Variants in AGRN observed in about 807,000 individuals in gnomAD.
AGRN encodes the protein agrin, also known as agrin proteoglycan.
Under a neutral mutation model 211.0 loss-of-function variants are expected in AGRN, and 106 were observed. That is an observed-to-expected ratio of 0.50 (90% confidence interval 0.43 to 0.59). The LOEUF is 0.59. AGRN is among the 20% of genes least tolerant of loss of function. AGRN has a pLI of 0.00. For missense variants in AGRN, 3,040 were observed against 2,982.6 expected, an observed-to-expected ratio of 1.02 and a Z score of -0.45; for synonymous variants, 1,525 against 1,332.5, an observed-to-expected ratio of 1.14 and a Z score of -3.15.
At chr1:1,050,168 C>T (rs925797478) in intron 27 of AGRN, 65 bp from the exon 28 acceptor site, 17 of 1,598,146 alleles carry the variant, frequency 1.1e-5, no homozygotes, top group South Asian at 8.8e-5. Context: ...GATCCACACA[C>T]GGCTGGCATG....
chr1:1,052,293 C>T (rs908219416), intron 33 of AGRN: 8 of 350,430 alleles, frequency 2.3e-5, no homozygotes, highest in African/African-American at 1.1e-4. Flanking sequence ...TGTGCACTTC[C>T]GCGTGTGTGA....
At chr1:1,038,434 T>C (rs1215857793) in intron 3 of AGRN, among the ~76,000 whole-genome samples, 3 of 152,244 alleles carry the variant, frequency 2.0e-5, no homozygotes, top group Non-Finnish European at 4.4e-5. Flanking sequence ...TCCATGCCCC[T>C]GCAAGCAGTC....
In AGRN at chr1:1,035,132, T is replaced by C; in HGVS notation, c.464-145T>C. 3 of 914,882 alleles carry C rather than the reference T, an allele frequency of 3.3e-6. No homozygotes were observed. The South Asian group carries it at 4.1e-5, about 12-fold the overall frequency. The allele number at this position is 914,882 out of a possible 1,614,324, so 56.7% of individuals were successfully genotyped here. On this transcript the variant is annotated intron_variant, in intron 2 of 35. Coordinates refer to ENST00000379370, the MANE Select transcript of AGRN (RefSeq NM_198576.4). Reference sequence around the variant, plus strand: ...CTCAGCCAGCCCATGGGGTCAGGGCTGGACCCTTCAGCAGCCTGGATCCCT... The same window carrying C: ...CTCAGCCAGCCCATGGGGTCAGGGCCGGACCCTTCAGCAGCCTGGATCCCT...
chr1:1,045,894 C>A lies in AGRN; in HGVS notation c.2680+18C>A. The A allele has an allele frequency of 6.2e-7, 1 of 1,610,452 alleles. No homozygotes were observed. The highest frequency in any genetic ancestry group is 1.7e-4 in the Middle Eastern group (1 of 6,060). ...TGAAGCTGGTGAGTGAGGGCCAGCG[C>A]TACCCTGGGGCTTCATGGGGTGGGG... On this transcript the variant is annotated intron_variant, in intron 15 of 35. Coordinates refer to ENST00000379370, the MANE Select transcript of AGRN (RefSeq NM_198576.4).
chr1:1,021,722 C>T (rs542860322), intron 1 of AGRN, among the ~76,000 whole-genome samples: 1 of 152,370 alleles, frequency 6.6e-6, no homozygotes, highest in East Asian at 1.9e-4. Context: ...GCCCTGAGTG[C>T]ACAGACTGTA....
Position 1,048,498 on chromosome 1 carries a change from C to T in AGRN, c.4105+133C>T, listed in dbSNP as rs1343526710. On this transcript the variant is annotated intron_variant, in intron 23 of 35. Transcript: ENST00000379370. The surrounding 1 kb of genome is among the most constrained non-coding windows in gnomAD (Gnocchi z 5.9). ...ATTAAGGCGGGGTTTCGGCCAGATG[C>T]GGTGGCTCACGCCTGTAATCCCAGC... 35 of 786,710 alleles carry T rather than the reference C, an allele frequency of 4.4e-5. No individual in the cohort carries two copies. Among genetic ancestry groups the T allele is most frequent in the East Asian group, 2.5e-4 (9 of 36,020 alleles). 48.7% of individuals were successfully genotyped at this position (786,710 alleles called of 1,614,324 possible). A position where few individuals can be genotyped will look rare whatever the true frequency, so the allele number is the denominator to read the frequency against.
At chr1:1,039,629 C>A (rs556692570) in intron 3 of AGRN, among the ~76,000 whole-genome samples, 1 of 152,262 alleles carries the variant, frequency 6.6e-6, no homozygotes, top group Admixed American at 6.5e-5. Context: ...TGGGTTTTAA[C>A]GTGCCTGAGG....
At chr1:1,038,479 C>T (rs116128075) in intron 3 of AGRN, among the ~76,000 whole-genome samples, 2,444 of 152,352 alleles carry the variant, frequency 0.016, 56 homozygotes, top group African/African-American at 0.056. Flanking sequence ...GCCATCATCA[C>T]CTTCTTCCCC....
Position 1,022,468 on chromosome 1 carries a change from T to C in AGRN, c.463+6T>C. ...GGTGGAGTTCTGTGTGGAAGGTGCG[T>C]GGTGGGGGGCTCGTGTGGGGGCCTG... On this transcript the variant is annotated splice_donor_region_variant and intron_variant, in intron 2 of 35. Transcript: ENST00000379370. The C allele has an allele frequency of 1.2e-6, 2 of 1,602,326 alleles. No homozygotes were observed. Among genetic ancestry groups the C allele is most frequent in the African/African-American group, 1.3e-5 (1 of 74,526 alleles).
chr1:1,049,152 G>T, intron 24 of AGRN, 84 bp from the exon 25 acceptor site: 2 of 1,330,466 alleles, frequency 1.5e-6, no homozygotes, highest in East Asian at 2.8e-5. Flanking sequence ...GGTGGGTGGG[G>T]TGGGGACGGG....
Position 1,050,319 on chromosome 1 carries a change from C to G in AGRN, c.4966C>G (p.Arg1656Gly), listed in dbSNP as rs145111679. 4 of 1,612,716 alleles carry G rather than the reference C, an allele frequency of 2.5e-6. No homozygotes were observed. The South Asian group carries it at 3.3e-5, about 13-fold the overall frequency. Residue 1656 changes from arginine to glycine, a missense_variant, in exon 28 of 36, where the codon CGG (arginine) becomes GGG (glycine). By Grantham distance (125) the Arg-to-Gly change is moderately radical (BLOSUM62 -2). Around this residue, in one of 3 missense-constraint regions of AGRN, gnomAD observed 1,537 missense variants for 1,505.0 expected, o/e 1.02. Transcript: ENST00000379370. ...GCTGAGAGGCCTGCACACCTTTGCA[C>G]GGGACCTGGGGTCGGTGGGGCAGGA... is the stretch of plus-strand genomic sequence containing the variant. ...LELRGLHTFA[R>G]DLGEKMALEV...
intron 11 of AGRN, 25 bp from the exon 12 acceptor site, chr1:1,044,309 C>T (rs747619165): frequency 4.3e-6 from 7 of 1,612,434 alleles, no homozygotes; most frequent in East Asian, 2.2e-5. Flanking sequence ...GGGCTGCGGC[C>T]GCTCACACTG....
rs1320750268 is a variant in AGRN, at chr1:1,045,237, T to C, written c.2331T>C (p.Asn777=). 1 of 1,612,276 alleles carries C rather than the reference T, an allele frequency of 6.2e-7. No homozygotes were observed. ...AQTPYGCCQD[N]ITAARGVGLA... ...CGCCCTACGGCTGCTGCCAGGACAA[T>C]ATCACCGCAGCCCGGGGCGTGGGCC... The change falls in exon 13 of 36, where the codon AAT becomes AAC. Residue 777 remains asparagine (N), a synonymous_variant. Coordinates refer to ENST00000379370, the MANE Select transcript of AGRN (RefSeq NM_198576.4).
chr1:1,021,103 C>G (rs1314400326), intron 1 of AGRN, among the ~76,000 whole-genome samples: 1 of 152,184 alleles, frequency 6.6e-6, no homozygotes, highest in African/African-American at 2.4e-5. Flanking sequence ...AAAACCATCT[C>G]CTGGGACCAG....
chr1:1,023,987 C>T (rs757630797), intron 2 of AGRN, among the ~76,000 whole-genome samples: 6 of 152,134 alleles, frequency 3.9e-5, no homozygotes, highest in African/African-American at 1.2e-4. Context: ...CTGTGGCCAC[C>T]GGACCCCCTG....
intron 3 of AGRN, among the ~76,000 whole-genome samples, chr1:1,039,560 G>C (rs886695020): frequency 6.6e-5 from 10 of 151,734 alleles, no homozygotes; most frequent in Admixed American, 6.6e-4. Context: ...ACCCTTCCCT[G>C]ATCCTGGGTG....
At chr1:1,024,200 G>A (rs1020556194) in intron 2 of AGRN, among the ~76,000 whole-genome samples, 2 of 152,208 alleles carry the variant, frequency 1.3e-5, no homozygotes, top group East Asian at 1.9e-4. Flanking sequence ...TGGCTGCCGG[G>A]ACAGGGTAAA....
At position 1,020,461 on chromosome 1, in the gene AGRN, C is replaced by T; in HGVS notation, c.201+88C>T. The T allele has an allele frequency of 2.3e-6, 3 of 1,296,138 alleles. No individual in the cohort carries two copies. The South Asian group carries it at 4.4e-5, about 19-fold the overall frequency. 80.3% of individuals were successfully genotyped at this position (1,296,138 alleles called of 1,614,324 possible). ...CCAGGCCGTGGGAACCAGCCCCGGTCGCTCCGCAGCCCCCGCTCCGGCTCC... is the reference window on the plus strand; with the variant it reads ...CCAGGCCGTGGGAACCAGCCCCGGTTGCTCCGCAGCCCCCGCTCCGGCTCC... On this transcript the variant is annotated intron_variant, in intron 1 of 35. Coordinates refer to ENST00000379370, the MANE Select transcript of AGRN (RefSeq NM_198576.4).
chr1:1,052,514 C>T (rs1015795193), intron 33 of AGRN: 80 of 205,224 alleles, frequency 3.9e-4, no homozygotes, highest in Admixed American at 1.3e-3. Context: ...GGTATGTGTC[C>T]GTGTGTGTGT....
Sources: allele counts gnomAD v4.1 joint callset (sites outside exome capture counted in the v4.1 genomes callset), GRCh38; gene constraint gnomAD v4.1.1; regional missense constraint gnomAD v4.1.1; non-coding constraint Gnocchi (gnomAD v3.1); transcripts MANE v1.5; gene names NCBI Gene and HGNC (gene_info 2026-07-23, HGNC 2026-07-21).